Variants in CCND2 observed in about 807,000 individuals in gnomAD.
CCND2 encodes the protein G1/S-specific cyclin-D2.
A neutral mutation model predicts 30.2 loss-of-function variants in CCND2; 6 were observed. The observed-to-expected ratio is 0.20, with a 90% CI of 0.11 to 0.39. The LOEUF is 0.39. Ranked by LOEUF, CCND2 falls within the 10% of genes least tolerant of loss-of-function variation. The probability of loss-of-function intolerance (pLI) is 1.00; values close to 1 mark genes in which losing one functional copy is unlikely to be tolerated. For synonymous variants in CCND2, 150 were observed against 153.1 expected (o/e 0.98, Z 0.15); for missense variants, 235 against 373.4 (o/e 0.63, Z 3.06).
Position 4,300,040 on chromosome 12 carries a change from C to A in CCND2, c.*31C>A, listed in dbSNP as rs149455238. ...CCAGTTGGGCCGAAAGAGAGAGACG[C>A]GTCCATAATCTGGTCTCTTCTTCTT... is the stretch of plus-strand genomic sequence containing the variant. On this transcript the variant is annotated 3_prime_UTR_variant, in exon 5 of 5. Transcript: ENST00000261254. 6.3e-7 allele frequency: 1 copy of A among 1,595,856 alleles called. No individual in the cohort carries two copies.
At chr12:4,281,778 C>A (rs181939158) in intron 3 of CCND2, among the ~76,000 whole-genome samples, 1 of 152,182 alleles carries the variant, frequency 6.6e-6, no homozygotes, top group East Asian at 1.9e-4. Flanking sequence ...CATAGAGGGG[C>A]CGCGTAAGTG....
chr12:4,296,695 G>A (rs1864174200), intron 4 of CCND2, among the ~76,000 whole-genome samples: 1 of 69,336 alleles, frequency 1.4e-5, no homozygotes, highest in Non-Finnish European at 3.1e-5. Context: ...TAGTCCCTCT[G>A]CCTCTTGGGG....
Position 4,278,752 on chromosome 12 carries a change from C to G in CCND2, c.412-8C>G. Reference sequence around the variant, plus strand: ...ATTCTCCTCTTCTCTTCCTGCCTTCCCCTCCAGGAGTGGGAACTGGTGGTG... The same window carrying G: ...ATTCTCCTCTTCTCTTCCTGCCTTCGCCTCCAGGAGTGGGAACTGGTGGTG... On this transcript the variant is annotated splice_polypyrimidine_tract_variant and splice_region_variant and intron_variant, in intron 2 of 4. Transcript: ENST00000261254. The G allele has an allele frequency of 6.2e-7, 1 of 1,613,658 alleles. No individual in the cohort carries two copies. Among genetic ancestry groups the G allele is most frequent in the South Asian group, 1.1e-5 (1 of 91,078 alleles).
In CCND2 at chr12:4,299,378, C is replaced by G. The variant is rs944161059; in HGVS notation, c.721-482C>G. Among the ~76,000 whole-genome samples, 3 of 152,138 alleles carry G rather than the reference C, an allele frequency of 2.0e-5. No homozygotes were observed. Among genetic ancestry groups the G allele is most frequent in the African/African-American group, 7.2e-5 (3 of 41,420 alleles). On this transcript the variant is annotated intron_variant, in intron 4 of 4. Coordinates refer to ENST00000261254, the MANE Select transcript of CCND2 (RefSeq NM_001759.4). The surrounding 1 kb of genome is among the most constrained non-coding windows in gnomAD (Gnocchi z 5.2). ...AAGTATTTACAGTTTATGTGAGGGT[C>G]AGTACGTTGGTTCATTGGCTTCCTT...
At chr12:4,284,497 G>A (rs3217835) in intron 3 of CCND2, among the ~76,000 whole-genome samples, 12,855 of 152,276 alleles carry the variant, frequency 0.084, 1,832 homozygotes, top group African/African-American at 0.29. Flanking sequence ...ATGGCAAGGC[G>A]TGTGGCTGCT....
At chr12:4,291,207 C>CTGTGTGTGTGTGTGTGTGTGTG (rs1320194012) in intron 4 of CCND2, among the ~76,000 whole-genome samples, 9,138 of 138,644 alleles carry the variant, frequency 0.066, 508 homozygotes, top group East Asian at 0.24. Context: ...CTGGGCTAGG[C>CTGTGTGTGTGTGTGTGTGTGTG]TGTGTGTGTG....
chr12:4,303,622 T>A lies in CCND2; in HGVS notation c.*3613T>A, dbSNP rs1864280321. On this transcript the variant is annotated 3_prime_UTR_variant, in exon 5 of 5. Coordinates refer to ENST00000261254, the MANE Select transcript of CCND2 (RefSeq NM_001759.4). This position sits in a 1 kb window ranked among gnomAD's most constrained non-coding sequence, Gnocchi z 4.6. ...ATCCTAGGGGGAAGAAATCCTAGTA[T>A]GCCAAAAATATATGCTAAGCATAAT... 1 of 233,490 alleles carries A rather than the reference T, an allele frequency of 4.3e-6. No homozygotes were observed. The highest frequency in any genetic ancestry group is 5.6e-5 in the Admixed American group (1 of 17,774). The allele number at this position is 233,490 out of a possible 1,614,324, so 14.5% of individuals were successfully genotyped here. A position where few individuals can be genotyped will look rare whatever the true frequency, so the allele number is the denominator to read the frequency against.
chr12:4,276,322 C>A lies in CCND2; in HGVS notation c.411+102C>A. The A allele has an allele frequency of 1.1e-6, 1 of 896,822 alleles. No homozygotes were observed. The allele number at this position is 896,822 out of a possible 1,614,324, so 55.6% of individuals were successfully genotyped here. On this transcript the variant is annotated intron_variant, in intron 2 of 4. Transcript: ENST00000261254. The surrounding 1 kb of genome is among the most constrained non-coding windows in gnomAD (Gnocchi z 4.8). ...ACTGCCAGAGCAAATTCTTGGGATC[C>A]AGAATGACCCCACCAATAGAATTTA...
Position 4,285,803 on chromosome 12 carries a change from C to T in CCND2, c.572-3039C>T, listed in dbSNP as rs1472970619. Among the ~76,000 whole-genome samples the T allele has an allele frequency of 1.3e-5, 2 of 152,166 alleles. No individual in the cohort carries two copies. The highest frequency in any genetic ancestry group is 2.9e-5 in the Non-Finnish European group (2 of 68,028). On this transcript the variant is annotated intron_variant, in intron 3 of 4. Transcript: ENST00000261254. The surrounding 1 kb of genome is among the most constrained non-coding windows in gnomAD (Gnocchi z 4.1). Reference sequence around the variant, plus strand: ...TGATGTTTGATTTTTTTGTTTTTCTCTCTGTTCAGTATCCCCTACCAGTAG... The same window carrying T: ...TGATGTTTGATTTTTTTGTTTTTCTTTCTGTTCAGTATCCCCTACCAGTAG...
At position 4,302,583 on chromosome 12, in the gene CCND2, CCT is replaced by C. The variant is rs1255868388; in HGVS notation, c.*2576_*2577del. ...GCAGCGTTTATGGTGCTTCCTTCTC[CCT>C]CCTCTGTCTCAAACTGCGCAGGCAA... On this transcript the variant is annotated 3_prime_UTR_variant, in exon 5 of 5. Coordinates refer to ENST00000261254, the MANE Select transcript of CCND2 (RefSeq NM_001759.4). 1 of 233,154 alleles carries C rather than the reference CCT, an allele frequency of 4.3e-6. No homozygotes were observed. The highest frequency in any genetic ancestry group is 8.5e-6 in the Non-Finnish European group (1 of 118,086). 14.4% of individuals were successfully genotyped at this position (233,154 alleles called of 1,614,324 possible). A position where few individuals can be genotyped will look rare whatever the true frequency, so the allele number is the denominator to read the frequency against.
At chr12:4,297,320 C>T (rs1305211362) in intron 4 of CCND2, among the ~76,000 whole-genome samples, 1 of 151,948 alleles carries the variant, frequency 6.6e-6, no homozygotes, top group African/African-American at 2.4e-5. Flanking sequence ...GCCTGTAATC[C>T]CAGTACTTCG....
rs1864269760 is a variant in CCND2 at position 4,302,839 on chromosome 12, A to G, written c.*2830A>G. On this transcript the variant is annotated 3_prime_UTR_variant, in exon 5 of 5. Transcript: ENST00000261254. Reference sequence around the variant, plus strand: ...TGAGTTAGCATGACCCTAAAATTCTAGGGGATTTCTGGTGGGACAATGGGT... The same window carrying G: ...TGAGTTAGCATGACCCTAAAATTCTGGGGGATTTCTGGTGGGACAATGGGT... 8.6e-6 allele frequency: 2 copies of G among 233,152 alleles called. No individual in the cohort carries two copies. Among genetic ancestry groups the G allele is most frequent in the Non-Finnish European group, 1.7e-5 (2 of 118,052 alleles). 14.4% of individuals were successfully genotyped at this position (233,152 alleles called of 1,614,324 possible).
Position 4,285,226 on chromosome 12 carries a change from C to T in CCND2, c.572-3616C>T, listed in dbSNP as rs953668382. 9 of 930,650 alleles carry T rather than the reference C, an allele frequency of 9.7e-6. No homozygotes were observed. The highest frequency in any genetic ancestry group is 5.4e-4 in the Middle Eastern group (1 of 1,850). The allele number at this position is 930,650 out of a possible 1,614,324, so 57.6% of individuals were successfully genotyped here. ...CAGGGAGGAGCACATTGTCATGAGTCGATCAGAATGGATCGCTGATCGGTT... is the reference window on the plus strand; with the variant it reads ...CAGGGAGGAGCACATTGTCATGAGTTGATCAGAATGGATCGCTGATCGGTT... On this transcript the variant is annotated intron_variant, in intron 3 of 4. Transcript: ENST00000261254. The surrounding 1 kb of genome is among the most constrained non-coding windows in gnomAD (Gnocchi z 4.1).
intron 2 of CCND2, 197 bp from the exon 3 acceptor site, chr12:4,278,563 C>G (rs903539117): frequency 1.3e-5 from 6 of 474,314 alleles, no homozygotes; most frequent in Non-Finnish European, 2.3e-5. Context: ...TGGAGCCTGA[C>G]ATTTGAAGCA....
Position 4,276,280 on chromosome 12 carries a change from A to G in CCND2, c.411+60A>G, listed in dbSNP as rs1336311150. ...GATTCCCGCTTTCCCCTGGCCAACA[A>G]TATGCCTTCTATCACCACTGCCAGA... On this transcript the variant is annotated intron_variant, in intron 2 of 4. Coordinates refer to ENST00000261254, the MANE Select transcript of CCND2 (RefSeq NM_001759.4). This position sits in a 1 kb window ranked among gnomAD's most constrained non-coding sequence, Gnocchi z 4.8. 9.1e-6 allele frequency: 13 copies of G among 1,431,942 alleles called. No homozygotes were observed. The highest frequency in any genetic ancestry group is 3.8e-5 in the Admixed American group (2 of 53,284). The allele number at this position is 1,431,942 out of a possible 1,614,324, so 88.7% of individuals were successfully genotyped here.
rs571301198 is a variant in CCND2 at position 4,286,972 on chromosome 12, CAG to C, written c.572-1869_572-1868del. On this transcript the variant is annotated intron_variant, in intron 3 of 4. Coordinates refer to ENST00000261254, the MANE Select transcript of CCND2 (RefSeq NM_001759.4). ...TGCCCCGCTTGTGTTATGAATGTCA[CAG>C]GGGGGAGCTAACGAGGTTATTGGGC... Among the ~76,000 whole-genome samples, 13 of 152,314 alleles carry C rather than the reference CAG, an allele frequency of 8.5e-5. No individual in the cohort carries two copies. In the East Asian group the frequency reaches 2.1e-3, roughly 25 times the overall value.
Position 4,293,065 on chromosome 12 carries a change from G to A in CCND2, c.720+4075G>A, listed in dbSNP as rs1170030363. Among the ~76,000 whole-genome samples the A allele has an allele frequency of 6.6e-6, 1 of 152,260 alleles. No homozygotes were observed. Among genetic ancestry groups the A allele is most frequent in the Non-Finnish European group, 1.5e-5 (1 of 68,048 alleles). ...AGGAAGGAGCAAAGGACAAAGGCAGGCAGATGGGTTTCCAGTGGGTTTCCG... is the reference window on the plus strand; with the variant it reads ...AGGAAGGAGCAAAGGACAAAGGCAGACAGATGGGTTTCCAGTGGGTTTCCG... On this transcript the variant is annotated intron_variant, in intron 4 of 4. Transcript: ENST00000261254. This position sits in a 1 kb window ranked among gnomAD's most constrained non-coding sequence, Gnocchi z 4.9.
chr12:4,286,868 G>A (rs1459591211), intron 3 of CCND2, among the ~76,000 whole-genome samples: 1 of 152,264 alleles, frequency 6.6e-6, no homozygotes, highest in Non-Finnish European at 1.5e-5. Flanking sequence ...AGGGAAGGGA[G>A]GGCCGGGGAT....
intron 4 of CCND2, among the ~76,000 whole-genome samples, chr12:4,294,059 C>T (rs1238469389): frequency 6.6e-6 from 1 of 152,210 alleles, no homozygotes; most frequent in Non-Finnish European, 1.5e-5. Flanking sequence ...TCATTCAGCC[C>T]TTTGTCCCCC....
Sources: allele counts gnomAD v4.1 joint callset (sites outside exome capture counted in the v4.1 genomes callset), GRCh38; gene constraint gnomAD v4.1.1; non-coding constraint Gnocchi (gnomAD v3.1); transcripts MANE v1.5; gene names NCBI Gene and HGNC (gene_info 2026-07-23, HGNC 2026-07-21).